BIRC6: variants seen among roughly 807,000 people sequenced by gnomAD.
BIRC6 encodes dual E2 ubiquitin-conjugating enzyme/E3 ubiquitin-protein ligase BIRC6.
Under a neutral mutation model 503.3 loss-of-function variants are expected in BIRC6, and 98 were observed. The ratio of observed to expected loss-of-function variants is 0.19; its 90% confidence interval spans 0.17 to 0.23. BIRC6 has a LOEUF of 0.23. Among genes scored for constraint, BIRC6 ranks in the 10% least tolerant of loss-of-function variants. BIRC6 has a pLI of 1.00. For synonymous variants in BIRC6, 2,240 were observed against 2,078.7 expected (o/e 1.08, Z -2.11); for missense variants, 5,360 against 5,806.0 (o/e 0.92, Z 2.50).
At chr2:32,386,740 C>T (rs2038530338) in intron 3 of BIRC6, among the ~76,000 whole-genome samples, 1 of 152,108 alleles carries the variant, frequency 6.6e-6, no homozygotes. Flanking sequence ...TGTGCCCAAC[C>T]TCAAATCTTT....
chr2:32,549,492 C>T lies in BIRC6; in HGVS notation c.13144+11C>T, dbSNP rs897144283. On this transcript the variant is annotated intron_variant, in intron 65 of 73. Transcript: ENST00000421745. The stretch of plus-strand genomic sequence containing the variant: ...TACGAAATGATTCAGGTAAATAATC[C>T]CTGTAAATGTGTCTGTGGATGAATA... The T allele has an allele frequency of 1.4e-6, 2 of 1,397,368 alleles. No individual in the cohort carries two copies. The highest frequency in any genetic ancestry group is 1.9e-6 in the Non-Finnish European group (2 of 1,054,012). The allele number at this position is 1,397,368 out of a possible 1,614,324, so 86.6% of individuals were successfully genotyped here.
chr2:32,368,926 A>G (rs948025891), intron 1 of BIRC6, among the ~76,000 whole-genome samples: 1 of 152,236 alleles, frequency 6.6e-6, no homozygotes, highest in South Asian at 2.1e-4. Context: ...TGCTGGGATT[A>G]CAGGTGTGAG....
intron 22 of BIRC6, among the ~76,000 whole-genome samples, chr2:32,453,598 CTTT>C (rs1242754324): frequency 1.3e-5 from 2 of 152,156 alleles, no homozygotes; most frequent in East Asian, 3.8e-4. Context: ...TACTAAGTTG[CTTT>C]TATCCAAATC....
In BIRC6 at chr2:32,529,773, G is replaced by A; in HGVS notation, c.12043G>A (p.Asp4015Asn). Residue 4015 changes from aspartate (D) to asparagine (N), a missense_variant, in exon 60 of 74, where the codon GAC (aspartate) becomes AAC (asparagine). Coordinates refer to ENST00000421745, the MANE Select transcript of BIRC6 (RefSeq NM_016252.4). ...TVKLGSRVIT[D>N]PSLSKTDSYK... is the part of the protein sequence containing the mutation. ...TAAATTGGGATCAAGAGTTATAACA[G>A]ACCCCAGTCTATCAAAAACAGATTC... 2 of 1,613,144 alleles carry A rather than the reference G, an allele frequency of 1.2e-6. No individual in the cohort carries two copies. The highest frequency in any genetic ancestry group is 8.5e-7 in the Non-Finnish European group (1 of 1,179,538).
chr2:32,538,919 AAATGAATG>A lies in BIRC6; in HGVS notation c.12292-4299_12292-4292del, dbSNP rs139245193. Among the ~76,000 whole-genome samples the A allele has an allele frequency of 2.7e-4, 41 of 152,192 alleles. 2 individuals are homozygous for A. In the South Asian group the frequency reaches 6.4e-3, roughly 24 times the overall value. On this transcript the variant is annotated intron_variant, in intron 61 of 73. Transcript: ENST00000421745. ...TGAGACTCCATCTCTATGATTGAAC[AAATGAATG>A]AATGAATGAATGAATGAATGAAAGT...
intron 23 of BIRC6, among the ~76,000 whole-genome samples, chr2:32,460,502 C>T (rs1401679808): frequency 1.3e-5 from 2 of 151,362 alleles, no homozygotes; most frequent in Admixed American, 6.6e-5. Flanking sequence ...GTCTCGAATT[C>T]CGGACCTCAG....
chr2:32,524,799 A>T, intron 57 of BIRC6, 89 bp from the exon 58 acceptor site: 1 of 957,432 alleles, frequency 1.0e-6, no homozygotes, highest in Non-Finnish European at 1.4e-6. Flanking sequence ...GGATAATATT[A>T]TCTTGCATAA....
chr2:32,375,934 C>T (rs940833341), intron 1 of BIRC6, among the ~76,000 whole-genome samples: 3 of 151,944 alleles, frequency 2.0e-5, no homozygotes, highest in Non-Finnish European at 2.9e-5. Flanking sequence ...GCCTATAATC[C>T]CGGCTCTTTG....
intron 13 of BIRC6, among the ~76,000 whole-genome samples, chr2:32,434,162 T>C (rs1319820495): frequency 1.3e-5 from 2 of 152,206 alleles, no homozygotes; most frequent in Non-Finnish European, 2.9e-5. Context: ...TTAAGGTTAT[T>C]AGTGAAGCCA....
intron 71 of BIRC6, 119 bp from the exon 72 acceptor site, chr2:32,607,336 T>C: frequency 4.4e-6 from 3 of 684,762 alleles, no homozygotes; most frequent in Non-Finnish European, 4.6e-6. Flanking sequence ...ATTGATTTTA[T>C]TGTGATAGAA....
At chr2:32,437,519 A>G (rs17011963) in intron 15 of BIRC6, among the ~76,000 whole-genome samples, 11,530 of 152,270 alleles carry the variant, frequency 0.076, 548 homozygotes, top group Admixed American at 0.15. Context: ...ACATTCACAC[A>G]TAACCATTTA....
chr2:32,360,504 T>C (rs918782881), intron 1 of BIRC6, among the ~76,000 whole-genome samples: 1 of 152,194 alleles, frequency 6.6e-6, no homozygotes, highest in African/African-American at 2.4e-5. Context: ...TCCTTATTTA[T>C]AAGTTTTGTG....
Position 32,618,034 on chromosome 2 carries a change from T to C in BIRC6, c.*130T>C, listed in dbSNP as rs908200215. The C allele has an allele frequency of 4.5e-6, 4 of 889,248 alleles. No individual in the cohort carries two copies. The highest frequency in any genetic ancestry group is 2.2e-5 in the South Asian group (1 of 45,048). The allele number at this position is 889,248 out of a possible 1,614,324, so 55.1% of individuals were successfully genotyped here. A position where few individuals can be genotyped will look rare whatever the true frequency, so the allele number is the denominator to read the frequency against. Reference sequence around the variant, plus strand: ...AAACTATACTATGCCCTTAAGGAGATCCAGTTTAATTCAAGGTGATCTTTT... The same window carrying C: ...AAACTATACTATGCCCTTAAGGAGACCCAGTTTAATTCAAGGTGATCTTTT... On this transcript the variant is annotated 3_prime_UTR_variant, in exon 74 of 74. Transcript: ENST00000421745.
At chr2:32,574,357 A>G (rs1164395128) in intron 65 of BIRC6, among the ~76,000 whole-genome samples, 1 of 151,696 alleles carries the variant, frequency 6.6e-6, no homozygotes, top group Non-Finnish European at 1.5e-5. Context: ...GGCTCAAGTG[A>G]TCCTCCCACC....
chr2:32,364,121 A>G (rs889341472), intron 1 of BIRC6, among the ~76,000 whole-genome samples: 18 of 152,238 alleles, frequency 1.2e-4, no homozygotes, highest in Admixed American at 7.2e-4. Flanking sequence ...GTGAAGGTAT[A>G]TGTGTGCAGG....
intron 8 of BIRC6, among the ~76,000 whole-genome samples, chr2:32,406,287 A>T (rs1377175115): frequency 6.6e-6 from 1 of 151,996 alleles, no homozygotes; most frequent in Non-Finnish European, 1.5e-5. Context: ...TCCCACCTAC[A>T]CGGGAGGCTG....
intron 57 of BIRC6, chr2:32,521,834 A>G (rs1053326075): frequency 5.3e-5 from 8 of 151,848 alleles, no homozygotes; most frequent in Non-Finnish European, 1.0e-4. Flanking sequence ...TGCTTTTACA[A>G]ATTTCTGTCA....
chr2:32,503,257 TCTTA>T (rs1291672662), intron 49 of BIRC6, 21 bp downstream of exon 49: 1 of 1,567,956 alleles, frequency 6.4e-7, no homozygotes. Context: ...TGTTACTAAA[TCTTA>T]CTTATGTGAA....
chr2:32,486,857 C>G (rs1378406842), intron 40 of BIRC6, among the ~76,000 whole-genome samples: 2 of 152,148 alleles, frequency 1.3e-5, no homozygotes, highest in African/African-American at 2.4e-5. Flanking sequence ...TGTATCTTAT[C>G]TCCCAGGCAA....
Sources: gnomAD v4.1 joint callset for allele counts (sites outside exome capture counted in the v4.1 genomes callset) on GRCh38, gnomAD v4.1.1 for gene constraint, MANE v1.5 for transcripts, NCBI Gene and HGNC (gene_info 2026-07-23, HGNC 2026-07-21) for gene names.